CACNA2D2: variants seen among roughly 807,000 people sequenced by gnomAD.
CACNA2D2 encodes the protein voltage-dependent calcium channel subunit alpha-2/delta-2.
Under a neutral mutation model 166.4 loss-of-function variants are expected in CACNA2D2, and 48 were observed. The ratio of observed to expected loss-of-function variants is 0.29; its 90% CI spans 0.23 to 0.37. The LOEUF is 0.37. Ranked by LOEUF, CACNA2D2 falls within the 10% of genes least tolerant of loss-of-function variation. The pLI is 1.00. For missense variants in CACNA2D2, 1,122 were observed against 1,433.0 expected (o/e 0.78, Z 3.50); for synonymous variants, 561 against 573.7 (o/e 0.98, Z 0.32).
At chr3:50,450,234 G>A (rs568737389) in intron 2 of CACNA2D2, among the ~76,000 whole-genome samples, 97 of 152,232 alleles carry the variant, frequency 6.4e-4, no homozygotes, top group Non-Finnish European at 9.6e-4. Flanking sequence ...ACAGCGGATC[G>A]GCCTGGCTCC....
intron 3 of CACNA2D2, among the ~76,000 whole-genome samples, chr3:50,422,217 T>C (rs1707602721): frequency 6.6e-6 from 1 of 152,104 alleles, no homozygotes; most frequent in South Asian, 2.1e-4. Flanking sequence ...GCCTCCACCC[T>C]GACCACCCCA....
At chr3:50,502,229 G>A (rs1022385165) in intron 1 of CACNA2D2, among the ~76,000 whole-genome samples, 1 of 152,152 alleles carries the variant, frequency 6.6e-6, no homozygotes, top group Non-Finnish European at 1.5e-5. Context: ...TCCAGGCCAG[G>A]ACACTGGTGA....
intron 22 of CACNA2D2, among the ~76,000 whole-genome samples, chr3:50,371,204 C>T (rs1488368879): frequency 6.6e-6 from 1 of 152,108 alleles, no homozygotes; most frequent in African/African-American, 2.4e-5. Context: ...GGTCTCCACC[C>T]TTCCTAAAAC....
intron 3 of CACNA2D2, among the ~76,000 whole-genome samples, chr3:50,420,707 G>C (rs1487101124): frequency 3.3e-5 from 5 of 152,166 alleles, no homozygotes; most frequent in Non-Finnish European, 5.9e-5. Context: ...TGATGGCGAC[G>C]ATCACTGGGG....
rs587711772 is a variant in CACNA2D2, at chr3:50,375,621, C to T, written c.1907+23G>A. On this transcript the variant is annotated intron_variant, in intron 21 of 37. Coordinates refer to ENST00000424201, the MANE Select transcript of CACNA2D2 (RefSeq NM_006030.4). The surrounding 1 kb of genome is among the most constrained non-coding windows in gnomAD (Gnocchi z 4.0). Reference sequence around the variant, plus strand: ...CTGGGGCCACCCCACCCTCTCTGCCCGCCCAGCCCTGGCCTCACTTACCTG... The same window carrying T: ...CTGGGGCCACCCCACCCTCTCTGCCTGCCCAGCCCTGGCCTCACTTACCTG... 35 of 1,611,440 alleles carry T rather than the reference C, an allele frequency of 2.2e-5. No individual in the cohort carries two copies. The highest frequency in any genetic ancestry group is 4.0e-5 in the African/African-American group (3 of 74,988).
chr3:50,365,134 G>A lies in CACNA2D2; in HGVS notation c.3149C>T (p.Ala1050Val), dbSNP rs779318945. 7.4e-6 allele frequency: 12 copies of A among 1,612,162 alleles called. No homozygotes were observed. Among genetic ancestry groups the A allele is most frequent in the Non-Finnish European group, 1.0e-5 (12 of 1,179,722 alleles). The change falls in exon 36 of 38, where the codon GCC becomes GTC. Residue 1050 changes from alanine to valine, a missense_variant. Transcript: ENST00000424201. This position sits in a 1 kb window ranked among gnomAD's most constrained non-coding sequence, Gnocchi z 4.5. ...LTNTNLLFVV[A>V]EKPLCSQCEA... ...GCACTGGCTGCACAGCGGCTTCTCG[G>A]CCACCACAAAGAGAAGATTGGTGTT...
chr3:50,466,080 G>C (rs995820684), intron 2 of CACNA2D2, among the ~76,000 whole-genome samples: 1 of 152,168 alleles, frequency 6.6e-6, no homozygotes, highest in Non-Finnish European at 1.5e-5. Context: ...GCCTCTGTGA[G>C]CACTGGATTA....
intron 22 of CACNA2D2, among the ~76,000 whole-genome samples, chr3:50,370,876 CTCTT>C (rs747211515): frequency 2.0e-4 from 31 of 152,164 alleles, no homozygotes; most frequent in Non-Finnish European, 3.1e-4. Context: ...ATTTTTCTCT[CTCTT>C]TCTTTGCCGC....
chr3:50,450,367 G>A (rs1399160618), intron 2 of CACNA2D2, among the ~76,000 whole-genome samples: 1 of 38,076 alleles, frequency 2.6e-5, no homozygotes, highest in Non-Finnish European at 5.0e-5. Flanking sequence ...CCCCCGCCCC[G>A]TGTAAACAGA....
At chr3:50,395,455 G>A (rs73832871) in intron 3 of CACNA2D2, among the ~76,000 whole-genome samples, 1 of 152,138 alleles carries the variant, frequency 6.6e-6, no homozygotes, top group Non-Finnish European at 1.5e-5. Flanking sequence ...GGGTGGCTCT[G>A]GTCTCTCACC....
rs1337692844 is a variant in CACNA2D2 at position 50,366,630 on chromosome 3, TG to T, written c.2590-6del. On this transcript the variant is annotated splice_polypyrimidine_tract_variant and splice_region_variant and intron_variant, in intron 29 of 37. Coordinates refer to ENST00000424201, the MANE Select transcript of CACNA2D2 (RefSeq NM_006030.4). The surrounding 1 kb of genome is among the most constrained non-coding windows in gnomAD (Gnocchi z 5.9). ...ACAGTGGCTGTTGGGGCCGCACTGCTGGGCAGAGAGTGAGGACCGTAAGCCA... is the reference window on the plus strand; with the variant it reads ...ACAGTGGCTGTTGGGGCCGCACTGCTGGCAGAGAGTGAGGACCGTAAGCCA... 7 of 1,613,876 alleles carry T rather than the reference TG, an allele frequency of 4.3e-6. No individual in the cohort carries two copies. Among genetic ancestry groups the T allele is most frequent in the Non-Finnish European group, 5.9e-6 (7 of 1,179,992 alleles).
At chr3:50,451,168 C>T (rs1709086002) in intron 2 of CACNA2D2, among the ~76,000 whole-genome samples, 1 of 151,994 alleles carries the variant, frequency 6.6e-6, no homozygotes, top group South Asian at 2.1e-4. Context: ...TTTTGTTGCC[C>T]AGGCTGGAGT....
At chr3:50,488,638 AC>A (rs1698391696) in intron 1 of CACNA2D2, among the ~76,000 whole-genome samples, 1 of 64,702 alleles carries the variant, frequency 1.5e-5, no homozygotes, top group Non-Finnish European at 2.9e-5. Flanking sequence ...CCCCTCTACC[AC>A]CCCCCTAGCA....
At position 50,489,365 on chromosome 3, in the gene CACNA2D2, T is replaced by TC. The variant is rs558254780; in HGVS notation, c.207-13167dup. 3.4e-4 allele frequency among the ~76,000 whole-genome samples: 52 copies of TC among 152,084 alleles called. 1 individual carries two copies. In the South Asian group the frequency reaches 0.01, roughly 30 times the overall value. ...CTGGAAATCACCTGTGAAACATACT[T>TC]CCCCCCGCGCTGGCTCAGGAACCGT... is the stretch of plus-strand genomic sequence containing the variant. On this transcript the variant is annotated intron_variant, in intron 1 of 37. Coordinates refer to ENST00000424201, the MANE Select transcript of CACNA2D2 (RefSeq NM_006030.4).
At chr3:50,443,554 GC>G (rs1483260220) in intron 2 of CACNA2D2, among the ~76,000 whole-genome samples, 2 of 152,198 alleles carry the variant, frequency 1.3e-5, no homozygotes, top group African/African-American at 4.8e-5. Context: ...CAGTTCTCTG[GC>G]CCGCAGACTA....
chr3:50,452,877 C>G (rs541072107), intron 2 of CACNA2D2, among the ~76,000 whole-genome samples: 3 of 152,322 alleles, frequency 2.0e-5, no homozygotes, highest in African/African-American at 7.2e-5. Flanking sequence ...AGGATGGGAA[C>G]ATCTGAATCA....
At chr3:50,450,843 T>G (rs1360477156) in intron 2 of CACNA2D2, among the ~76,000 whole-genome samples, 1 of 152,178 alleles carries the variant, frequency 6.6e-6, no homozygotes, top group Non-Finnish European at 1.5e-5. Flanking sequence ...CCAGCCACAC[T>G]GGCCGATGTC....
chr3:50,485,929 T>C (rs1424615060), intron 1 of CACNA2D2, among the ~76,000 whole-genome samples: 1 of 151,418 alleles, frequency 6.6e-6, no homozygotes, highest in Non-Finnish European at 1.5e-5. Flanking sequence ...ATCCAGGAGG[T>C]GGATCCAGGG....
intron 17 of CACNA2D2, 135 bp downstream of exon 17, chr3:50,377,332 C>T: frequency 1.4e-6 from 1 of 694,436 alleles, no homozygotes; most frequent in South Asian, 1.8e-5. Context: ...AAGGTCACCT[C>T]CTGGGGAAGC....
Sources: allele counts gnomAD v4.1 joint callset (sites outside exome capture counted in the v4.1 genomes callset), GRCh38; gene constraint gnomAD v4.1.1; non-coding constraint Gnocchi (gnomAD v3.1); transcripts MANE v1.5; gene names NCBI Gene and HGNC (gene_info 2026-07-23, HGNC 2026-07-21).